The following TNRC6C variants were observed in gnomAD, a reference collection of about 807,000 sequenced individuals.
TNRC6C encodes the protein trinucleotide repeat containing adaptor 6C.
In TNRC6C, 20 loss-of-function variants were observed where a neutral mutation model predicts 153.7. The observed-to-expected ratio is 0.13, with a 90% CI of 0.09 to 0.19. The LOEUF is 0.19. TNRC6C is among the 10% of genes least tolerant of loss of function. The pLI, the probability that TNRC6C is intolerant of heterozygous loss-of-function variation, is 1.00. For synonymous variants in TNRC6C, 811 were observed against 841.4 expected (o/e 0.96, Z 0.63); for missense variants, 1,987 against 2,172.0 (o/e 0.91, Z 1.69).
intron 3 of TNRC6C, among the ~76,000 whole-genome samples, chr17:78,056,111 A>C (rs1598740734): frequency 6.6e-6 from 1 of 151,546 alleles, no homozygotes; most frequent in Non-Finnish European, 1.5e-5. Flanking sequence ...TGGCCTCCCA[A>C]AGTGTTGGGA....
intron 1 of TNRC6C, among the ~76,000 whole-genome samples, chr17:77,987,230 T>C (rs541844943): frequency 6.6e-6 from 1 of 152,280 alleles, no homozygotes; most frequent in East Asian, 1.9e-4. Context: ...GAAATTCATG[T>C]GGGATAACAA....
chr17:78,077,210 C>T (rs868716176), exon 9 of TNRC6C: 10 of 1,602,154 alleles, frequency 6.2e-6, no homozygotes, highest in African/African-American at 5.4e-5. Flanking sequence ...GAAGAGCCCA[C>T]GCCTTCACCG....
In TNRC6C at chr17:78,104,355, T is replaced by A. The variant is rs541172844; in HGVS notation, c.4713-130T>A. ...AACATTCACAGTCTGGGTTTGGAAA[T>A]AGCAGTGGCAAAACAGAAGCCACAG... On this transcript the variant is annotated intron_variant, in intron 19 of 19. Coordinates refer to ENST00000301624, the Ensembl canonical transcript of TNRC6C. This position sits in a 1 kb window ranked among gnomAD's most constrained non-coding sequence, Gnocchi z 6.2. The A allele has an allele frequency of 1.6e-6, 2 of 1,284,746 alleles. No individual in the cohort carries two copies. The highest frequency in any genetic ancestry group is 3.4e-5 in the South Asian group (2 of 58,258). The allele number at this position is 1,284,746 out of a possible 1,614,324, so 79.6% of individuals were successfully genotyped here.
chr17:78,093,226 A>T (rs2073424499), intron 15 of TNRC6C, 102 bp downstream of exon 17: 1 of 1,270,488 alleles, frequency 7.9e-7, no homozygotes, highest in South Asian at 1.5e-5. Flanking sequence ...TGAGCTAAGG[A>T]TCTGGAAGCG....
intron 1 of TNRC6C, among the ~76,000 whole-genome samples, chr17:77,980,025 G>A (rs1240451977): frequency 2.3e-5 from 2 of 86,136 alleles, no homozygotes; most frequent in African/African-American, 9.2e-5. Flanking sequence ...ACAAAAATTA[G>A]AATTCATCAC....
At chr17:78,100,785 T>C (rs1241106238) in intron 17 of TNRC6C, among the ~76,000 whole-genome samples, 1 of 148,528 alleles carries the variant, frequency 6.7e-6, no homozygotes, top group Non-Finnish European at 1.5e-5. Context: ...TTTTTTTTTT[T>C]TTTTTTTGAG....
chr17:77,982,048 G>C (rs1352404488), intron 1 of TNRC6C, among the ~76,000 whole-genome samples: 2 of 152,172 alleles, frequency 1.3e-5, no homozygotes, highest in African/African-American at 4.8e-5. Context: ...TAGAGACACA[G>C]AGTTCTTGCT....
upstream of TNRC6C, chr17:78,004,975 A>G (rs2143201636): frequency 9.5e-7 from 1 of 1,056,844 alleles, no homozygotes; most frequent in South Asian, 4.8e-5. Flanking sequence ...AAGTTTGCTT[A>G]TAAACTTTCA....
intron 2 of TNRC6C, among the ~76,000 whole-genome samples, chr17:78,045,488 G>A (rs1342023142): frequency 6.6e-6 from 1 of 152,148 alleles, no homozygotes. Flanking sequence ...CTGAGTAGGC[G>A]GCGTCATTGT....
intron 1 of TNRC6C, among the ~76,000 whole-genome samples, chr17:77,979,078 G>C (rs1164364943): frequency 6.6e-6 from 1 of 152,178 alleles, no homozygotes; most frequent in Non-Finnish European, 1.5e-5. Flanking sequence ...AGGGTTATCA[G>C]ACATGGACCT....
intron 1 of TNRC6C, among the ~76,000 whole-genome samples, chr17:77,965,442 T>C (rs1378492868): frequency 6.6e-6 from 1 of 152,220 alleles, no homozygotes; most frequent in African/African-American, 2.4e-5. Flanking sequence ...CTGATGGAAG[T>C]TGAATAATTT....
upstream of TNRC6C, chr17:78,004,256 G>T (rs1257349784): frequency 4.1e-6 from 5 of 1,231,370 alleles, no homozygotes; most frequent in African/African-American, 7.8e-5. Flanking sequence ...AAGAAGGAAG[G>T]TGCTCAGAAA....
At chr17:78,073,956 T>C (rs1424998688) in intron 7 of TNRC6C, among the ~76,000 whole-genome samples, 1 of 152,212 alleles carries the variant, frequency 6.6e-6, no homozygotes, top group African/African-American at 2.4e-5. Context: ...CAGATGTTAC[T>C]TGAGTACTTT....
chr17:78,107,074 A>T (rs1229468831), exon 20 of TNRC6C: 1 of 152,140 alleles, frequency 6.6e-6, no homozygotes, highest in Admixed American at 6.5e-5. Context: ...TTCGATGGAC[A>T]TACACCTGCG....
intron 1 of TNRC6C, among the ~76,000 whole-genome samples, chr17:77,991,655 G>A (rs1283713262): frequency 2.6e-5 from 4 of 152,170 alleles, no homozygotes; most frequent in African/African-American, 9.7e-5. Flanking sequence ...TCTTGAGCAT[G>A]TTGTATTTTG....
chr17:78,093,275 T>C, intron 15 of TNRC6C, 151 bp downstream of exon 17: 1 of 934,076 alleles, frequency 1.1e-6, no homozygotes, highest in Non-Finnish European at 1.6e-6. Context: ...GGAAATCCAT[T>C]TGTCAGATCA....
exon 4 of TNRC6C, chr17:78,064,748 A>C: frequency 6.2e-7 from 1 of 1,613,756 alleles, no homozygotes; most frequent in African/African-American, 1.3e-5. Flanking sequence ...AGAAATGCCT[A>C]ATGTTCACTC....
At chr17:77,981,780 C>T (rs2071081441) in intron 1 of TNRC6C, among the ~76,000 whole-genome samples, 1 of 152,162 alleles carries the variant, frequency 6.6e-6, no homozygotes, top group African/African-American at 2.4e-5. Context: ...CGTTAGTTTA[C>T]ATATTGTCTA....
chr17:77,970,139 T>C (rs998480055), intron 1 of TNRC6C, among the ~76,000 whole-genome samples: 2 of 152,264 alleles, frequency 1.3e-5, no homozygotes, highest in African/African-American at 4.8e-5. Flanking sequence ...ACAAAAAGTT[T>C]GAAAAGACTT....
Sources: allele counts gnomAD v4.1 joint callset (sites outside exome capture counted in the v4.1 genomes callset), GRCh38; gene constraint gnomAD v4.1.1; non-coding constraint Gnocchi (gnomAD v3.1); transcripts MANE v1.5; gene names NCBI Gene and HGNC (gene_info 2026-07-23, HGNC 2026-07-21).